Variants in SLIT1 observed in about 807,000 individuals in gnomAD.
The protein encoded by SLIT1 is slit homolog 1 protein.
In SLIT1, 66 loss-of-function variants were observed where a neutral mutation model predicts 186.1. The ratio of observed to expected loss-of-function variants is 0.35; its 90% confidence interval spans 0.29 to 0.44. SLIT1 has a LOEUF of 0.44. Among genes scored for constraint, SLIT1 ranks in the 20% least tolerant of loss-of-function variants. The probability of loss-of-function intolerance (pLI) is 1.00; values close to 1 mark genes in which losing one functional copy is unlikely to be tolerated. For synonymous variants in SLIT1, 761 were observed against 833.8 expected (o/e 0.91, Z 1.50); for missense variants, 1,638 against 2,037.4 (o/e 0.80, Z 3.77).
rs867363460 is a variant in SLIT1, at chr10:97,134,024, T to C, written c.413+23794A>G. On this transcript the variant is annotated intron_variant, in intron 4 of 36. Transcript: ENST00000266058. The stretch of plus-strand genomic sequence containing the variant: ...GACACCCCACTAAAGGTGCTGTGTG[T>C]TTCCTAGGGCGCTATCAGGCCTGAG... 2.6e-5 allele frequency among the ~76,000 whole-genome samples: 4 copies of C among 152,278 alleles called. No individual in the cohort carries two copies. In the South Asian group the frequency reaches 8.3e-4, roughly 32 times the overall value.
intron 4 of SLIT1, among the ~76,000 whole-genome samples, chr10:97,069,409 A>G (rs1848982084): frequency 1.3e-5 from 2 of 152,230 alleles, no homozygotes; most frequent in African/African-American, 2.4e-5. Context: ...CAGTGAGTGG[A>G]CCTTCAATCC....
chr10:97,012,030 C>T (rs1356767486), intron 30 of SLIT1, among the ~76,000 whole-genome samples: 3 of 148,844 alleles, frequency 2.0e-5, no homozygotes, highest in Non-Finnish European at 4.5e-5. Flanking sequence ...TACTCATTTC[C>T]TTGTCCAGTG....
chr10:97,049,186 C>T, intron 13 of SLIT1, 68 bp from the exon 14 acceptor site: 1 of 1,545,624 alleles, frequency 6.5e-7, no homozygotes, highest in African/African-American at 1.4e-5. Flanking sequence ...TCCACCGGGA[C>T]AGGGCCTCGT....
intron 4 of SLIT1, among the ~76,000 whole-genome samples, chr10:97,151,360 G>A (rs1849876773): frequency 6.6e-6 from 1 of 151,712 alleles, no homozygotes; most frequent in South Asian, 2.1e-4. Flanking sequence ...ACGTGGGAGG[G>A]GGAGGGTTGA....
At chr10:97,042,543 T>G (rs1848698819) in intron 20 of SLIT1, among the ~76,000 whole-genome samples, 1 of 151,828 alleles carries the variant, frequency 6.6e-6, no homozygotes, top group East Asian at 1.9e-4. Context: ...GAGTCTAGAG[T>G]GCTTAGGGAC....
intron 31 of SLIT1, among the ~76,000 whole-genome samples, chr10:97,008,241 C>A (rs1848378769): frequency 6.6e-6 from 1 of 152,086 alleles, no homozygotes; most frequent in African/African-American, 2.4e-5. Flanking sequence ...AAAACAATTC[C>A]TTTACAATAG....
chr10:97,142,944 C>T (rs1471747594), intron 4 of SLIT1, among the ~76,000 whole-genome samples: 1 of 152,098 alleles, frequency 6.6e-6, no homozygotes, highest in Non-Finnish European at 1.5e-5. Context: ...CATATCACCT[C>T]ATTAGGATGG....
chr10:97,146,854 C>A (rs964272503), intron 4 of SLIT1, among the ~76,000 whole-genome samples: 2 of 152,094 alleles, frequency 1.3e-5, no homozygotes, highest in African/African-American at 2.4e-5. Context: ...GCCTGCTAAC[C>A]CCACTTGTGC....
At chr10:97,045,257 C>T (rs1589373171) in intron 18 of SLIT1, among the ~76,000 whole-genome samples, 1 of 151,412 alleles carries the variant, frequency 6.6e-6, no homozygotes, top group Non-Finnish European at 1.5e-5. Context: ...TTATATAATA[C>T]CTAGTCATTC....
At position 97,049,124 on chromosome 10, in the gene SLIT1, C is replaced by T; in HGVS notation, c.1302-6G>A. The T allele has an allele frequency of 6.2e-7, 1 of 1,611,382 alleles. No homozygotes were observed. The highest frequency in any genetic ancestry group is 1.3e-5 in the African/African-American group (1 of 75,058). ...AAGGGTTCTGCGCCAGGTGCCTGTC[C>T]AAAGCAGGCAGATCAGCTATGAGAA... On this transcript the variant is annotated splice_region_variant and splice_polypyrimidine_tract_variant and intron_variant, in intron 13 of 36. Coordinates refer to ENST00000266058, the MANE Select transcript of SLIT1 (RefSeq NM_003061.3).
intron 30 of SLIT1, 64 bp downstream of exon 30, chr10:97,013,677 C>A: frequency 8.1e-7 from 1 of 1,229,032 alleles, no homozygotes; most frequent in Non-Finnish European, 1.2e-6. Context: ...GGAGCCCAGA[C>A]TGGAATCCAG....
In SLIT1 at chr10:97,031,697, A is replaced by G; in HGVS notation, c.2439-20T>C. 3 of 1,546,282 alleles carry G rather than the reference A, an allele frequency of 1.9e-6. No individual in the cohort carries two copies. The highest frequency in any genetic ancestry group is 2.6e-6 in the Non-Finnish European group (3 of 1,143,334). ...AGGATCCTGCGGAGGAAGGAGATGGAGGAAGGGCACTGTGTTAGTGCCTGG... is the reference window on the plus strand; with the variant it reads ...AGGATCCTGCGGAGGAAGGAGATGGGGGAAGGGCACTGTGTTAGTGCCTGG... On this transcript the variant is annotated intron_variant, in intron 23 of 36. Coordinates refer to ENST00000266058, the MANE Select transcript of SLIT1 (RefSeq NM_003061.3).
At chr10:97,185,367 C>G in intron 1 of SLIT1, 111 bp downstream of exon 1, 1 of 1,075,974 alleles carries the variant, frequency 9.3e-7, no homozygotes, top group Non-Finnish European at 1.3e-6. Context: ...CTGTGGGCTG[C>G]GGAGCCCGGA....
chr10:97,088,867 C>A (rs1434693237), intron 4 of SLIT1, among the ~76,000 whole-genome samples: 8 of 152,170 alleles, frequency 5.3e-5, no homozygotes, highest in Admixed American at 5.2e-4. Flanking sequence ...AGCATCCCCA[C>A]CCAAAACCCT....
Position 97,002,174 on chromosome 10 carries a change from G to A in SLIT1, c.4350C>T (p.Gly1450=), listed in dbSNP as rs141751619. 135 of 1,483,348 alleles carry A rather than the reference G, an allele frequency of 9.1e-5. No individual in the cohort carries two copies. Among genetic ancestry groups the A allele is most frequent in the Middle Eastern group, 2.4e-4 (1 of 4,164 alleles). The allele number at this position is 1,483,348 out of a possible 1,614,324, so 91.9% of individuals were successfully genotyped here. A position where few individuals can be genotyped will look rare whatever the true frequency, so the allele number is the denominator to read the frequency against. The change falls in exon 36 of 37, where the codon GGC becomes GGT. Residue 1450 remains glycine (G), a synonymous_variant. Coordinates refer to ENST00000266058, the MANE Select transcript of SLIT1 (RefSeq NM_003061.3). ...AHCVCDPGFS[G]ELCEQESECR... ...GCCCCTGACCTTGCTCACACAGCTC[G>A]CCCGAAAAGCCGGGGTCACACACAC...
At chr10:97,170,921 G>C (rs1044842507) in intron 1 of SLIT1, among the ~76,000 whole-genome samples, 1 of 152,074 alleles carries the variant, frequency 6.6e-6, no homozygotes, top group Admixed American at 6.6e-5. Context: ...GCTGTTCTGG[G>C]GGCTCCTGGC....
In SLIT1 at chr10:97,045,413, C is replaced by T. The variant is rs1490080028; in HGVS notation, c.1853+1241G>A. Among the ~76,000 whole-genome samples, 11 of 152,242 alleles carry T rather than the reference C, an allele frequency of 7.2e-5. No individual in the cohort carries two copies. The East Asian group carries it at 1.2e-3, about 16-fold the overall frequency. ...GAGTCCATTAGAATATTTCTGTATGCGTGCATGCTTGTATGTATGTATGTG... is the reference window on the plus strand; with the variant it reads ...GAGTCCATTAGAATATTTCTGTATGTGTGCATGCTTGTATGTATGTATGTG... On this transcript the variant is annotated intron_variant, in intron 18 of 36. Transcript: ENST00000266058.
At chr10:97,179,986 G>T (rs550634993) in intron 1 of SLIT1, among the ~76,000 whole-genome samples, 1 of 152,344 alleles carries the variant, frequency 6.6e-6, no homozygotes, top group African/African-American at 2.4e-5. Context: ...CCAAGCACCC[G>T]TCTGCTCCCA....
At position 97,043,493 on chromosome 10, in the gene SLIT1, A is replaced by C; in HGVS notation, c.1874T>G (p.Ile625Ser). ...GAAGCTGTCGTTGTGGATGCAGCTG[A>C]TGCGGTTGTTCCGCAGCATTCTGGG... is the stretch of plus-strand genomic sequence containing the variant. ...LRTLMLRNNR[I>S]SCIHNDSFTG... is the part of the protein sequence containing the mutation. Residue 625 changes from isoleucine (I) to serine (S), a missense_variant, in exon 19 of 37, where the codon ATC becomes AGC. Physicochemically the swap from Ile to Ser is moderately radical, Grantham distance 142. Coordinates refer to ENST00000266058, the MANE Select transcript of SLIT1 (RefSeq NM_003061.3). The surrounding 1 kb of genome is among the most constrained non-coding windows in gnomAD (Gnocchi z 7.0). 6.2e-7 allele frequency: 1 copy of C among 1,612,336 alleles called. No individual in the cohort carries two copies. Among genetic ancestry groups the C allele is most frequent in the Non-Finnish European group, 8.5e-7 (1 of 1,179,000 alleles).
Sources: allele counts gnomAD v4.1 joint callset (sites outside exome capture counted in the v4.1 genomes callset), GRCh38; gene constraint gnomAD v4.1.1; non-coding constraint Gnocchi (gnomAD v3.1); transcripts MANE v1.5; gene names NCBI Gene and HGNC (gene_info 2026-07-23, HGNC 2026-07-21).